The following ALLC variants were observed in gnomAD, a reference collection of about 807,000 sequenced individuals.
ALLC encodes probable inactive allantoicase.
Under a neutral mutation model 45.0 loss-of-function variants are expected in ALLC, and 40 were observed. The ratio of observed to expected loss-of-function variants is 0.89; its 90% CI spans 0.69 to 1.16. The LOEUF is 1.16. ALLC is among the 50% of genes most tolerant of loss of function. The pLI is 0.00. For synonymous variants in ALLC, 176 were observed against 178.1 expected (o/e 0.99, Z 0.09); for missense variants, 488 against 493.1 (o/e 0.99, Z 0.10).
At chr2:3,701,674 T>C in intron 11 of ALLC, 38 bp downstream of exon 11, 1 of 1,591,416 alleles carries the variant, frequency 6.3e-7, no homozygotes. Flanking sequence ...GCACTCAGAC[T>C]GTGCTATTTC....
Position 3,688,447 on chromosome 2 carries a change from G to T in ALLC, c.511+5373G>T, listed in dbSNP as rs570749670. On this transcript the variant is annotated intron_variant, in intron 7 of 11. Coordinates refer to ENST00000252505, the MANE Select transcript of ALLC (RefSeq NM_018436.4). ...CATGGTCTTCGGAGTGGTAGTGATT[G>T]CATAGGCTGTGGTCATGAGTCCCTC... The T allele has an allele frequency of 4.0e-4, 73 of 181,056 alleles. 5 individuals carry two copies. The highest frequency in any genetic ancestry group is 7.1e-4 in the Non-Finnish European group (61 of 86,442). The allele number at this position is 181,056 out of a possible 1,614,324, so 11.2% of individuals were successfully genotyped here. A position where few individuals can be genotyped will look rare whatever the true frequency, so the allele number is the denominator to read the frequency against.
At chr2:3,651,586 C>A in the ALLC span, among the ~76,000 whole-genome samples, 6,010 of 151,852 alleles carry the variant, frequency 0.04, 228 homozygotes, top group East Asian at 0.21. Context: ...ACGTTGTGTC[C>A]CTGCGGTGAC....
At chr2:3,648,613 G>A in the ALLC span, among the ~76,000 whole-genome samples, 3 of 152,296 alleles carry the variant, frequency 2.0e-5, no homozygotes, top group Non-Finnish European at 4.4e-5. Flanking sequence ...CACAGGGAAG[G>A]CCTGCCAGCT....
intron 1 of ALLC, among the ~76,000 whole-genome samples, chr2:3,663,492 G>A (rs1344053475): frequency 6.6e-6 from 1 of 152,118 alleles, no homozygotes; most frequent in East Asian, 1.9e-4. Flanking sequence ...CCTAGGTGAT[G>A]GGTTGATCTG....
chr2:3,684,622 C>T (rs1277226411), intron 7 of ALLC, among the ~76,000 whole-genome samples: 1 of 152,156 alleles, frequency 6.6e-6, no homozygotes, highest in Non-Finnish European at 1.5e-5. Context: ...AATAGCTTAG[C>T]TCCCACTTAT....
chr2:3,681,065 T>C (rs1287837208), intron 5 of ALLC, among the ~76,000 whole-genome samples: 1 of 152,228 alleles, frequency 6.6e-6, no homozygotes, highest in Admixed American at 6.5e-5. Flanking sequence ...AAGTTTACAC[T>C]GAACATGCTA....
intron 9 of ALLC, 94 bp from the exon 10 acceptor site, chr2:3,697,254 A>G: frequency 1.1e-6 from 1 of 887,258 alleles, no homozygotes; most frequent in African/African-American, 1.7e-5. Context: ...GAAATAAAAG[A>G]AACACGTCAA....
chr2:3,702,266 G>T, intron 11 of ALLC, 97 bp from the exon 12 acceptor site: 1 of 1,013,828 alleles, frequency 9.9e-7, no homozygotes, highest in Non-Finnish European at 1.4e-6. Context: ...AGCCCCTTCG[G>T]TTAAGTCTAA....
chr2:3,701,031 T>TC (rs1290643221), intron 10 of ALLC, among the ~76,000 whole-genome samples: 2 of 152,078 alleles, frequency 1.3e-5, no homozygotes, highest in Non-Finnish European at 2.9e-5. Flanking sequence ...GACTCAGAAA[T>TC]CCCCAAATAC....
the ALLC span, among the ~76,000 whole-genome samples, chr2:3,649,798 C>T: frequency 1.3e-5 from 2 of 152,194 alleles, no homozygotes; most frequent in African/African-American, 2.4e-5. Flanking sequence ...CGTGTGGACG[C>T]GGGAGGAAAC....
At chr2:3,654,640 A>G (rs1255790256), upstream of ALLC, among the ~76,000 whole-genome samples, 3 of 152,262 alleles carry the variant, frequency 2.0e-5, no homozygotes, top group African/African-American at 7.2e-5. Flanking sequence ...AGACACTGCC[A>G]GAAGCTCTGG....
chr2:3,665,470 C>A (rs1027289799), intron 1 of ALLC, among the ~76,000 whole-genome samples: 21 of 152,186 alleles, frequency 1.4e-4, no homozygotes, highest in Non-Finnish European at 2.5e-4. Context: ...CCTCCTCCCC[C>A]CACCCCCGAC....
the ALLC span, among the ~76,000 whole-genome samples, chr2:3,652,789 G>A: frequency 1.2e-4 from 18 of 152,062 alleles, no homozygotes; most frequent in South Asian, 8.3e-4. Flanking sequence ...ACCGTGTTGC[G>A]CAGTCTGGTC....
intron 3 of ALLC, 69 bp downstream of exon 3, chr2:3,674,194 A>G: frequency 8.6e-7 from 1 of 1,169,450 alleles, no homozygotes; most frequent in South Asian, 1.4e-5. Flanking sequence ...TTGTTATTAA[A>G]ATCTCCCTGT....
chr2:3,685,269 C>T lies in ALLC; in HGVS notation c.511+2195C>T, dbSNP rs142198927. Among the ~76,000 whole-genome samples, 524 of 139,422 alleles carry T rather than the reference C, an allele frequency of 3.8e-3. 23 individuals carry two copies. The highest frequency in any genetic ancestry group is 0.012 in the South Asian group (57 of 4,656). 91.5% of individuals were successfully genotyped at this position (139,422 alleles called of 152,430 possible). A position where few individuals can be genotyped will look rare whatever the true frequency, so the allele number is the denominator to read the frequency against. On this transcript the variant is annotated intron_variant, in intron 7 of 11. Coordinates refer to ENST00000252505, the MANE Select transcript of ALLC (RefSeq NM_018436.4). The stretch of plus-strand genomic sequence containing the variant: ...TAAATAAAAGCGGTATTACTCTGCT[C>T]TCACGTTGCTATAAAGATACTACCT...
chr2:3,647,751 C>T, the ALLC span, among the ~76,000 whole-genome samples: 1 of 151,986 alleles, frequency 6.6e-6, no homozygotes, highest in African/African-American at 2.4e-5. Flanking sequence ...TCCTGATGGA[C>T]ACTAGCGTTG....
chr2:3,656,620 C>T (rs1666445115), upstream of ALLC, among the ~76,000 whole-genome samples: 1 of 152,258 alleles, frequency 6.6e-6, no homozygotes, highest in African/African-American at 2.4e-5. Flanking sequence ...GCCCTGTGCT[C>T]AACCTCTGGC....
chr2:3,696,546 G>A (rs966885493), intron 9 of ALLC, among the ~76,000 whole-genome samples, 198 bp downstream of exon 9: 4 of 152,122 alleles, frequency 2.6e-5, no homozygotes, highest in Non-Finnish European at 5.9e-5. Context: ...CAAACATACT[G>A]GTCATTGCCA....
intron 6 of ALLC, 137 bp from the exon 7 acceptor site, chr2:3,682,805 G>C (rs184621280): frequency 2.3e-6 from 2 of 873,026 alleles, no homozygotes; most frequent in East Asian, 2.8e-5. Flanking sequence ...GATTACAGGC[G>C]TGAGCCACCG....
Sources: gnomAD v4.1 joint callset for allele counts (sites outside exome capture counted in the v4.1 genomes callset) on GRCh38, gnomAD v4.1.1 for gene constraint, MANE v1.5 for transcripts, NCBI Gene and HGNC (gene_info 2026-07-23, HGNC 2026-07-21) for gene names.